Variants in PCBD2 observed in about 807,000 individuals in gnomAD.
PCBD2 encodes pterin-4 alpha-carbinolamine dehydratase 2.
PCBD2 carries 12 observed loss-of-function variants against 16.4 expected under a neutral mutation model. That is an observed-to-expected ratio of 0.73 (90% CI 0.47 to 1.19). The LOEUF (loss-of-function observed/expected upper bound fraction) is 1.19. PCBD2 is among the 50% of genes most tolerant of loss of function. The probability of loss-of-function intolerance (pLI) is 0.00; values close to 1 mark genes in which losing one functional copy is unlikely to be tolerated. For missense variants in PCBD2, 138 were observed against 156.8 expected (o/e 0.88, Z 0.64); for synonymous variants, 58 against 61.8 (o/e 0.94, Z 0.29).
chr5:134,960,128 C>A (rs1348470140), intron 3 of PCBD2, among the ~76,000 whole-genome samples: 2 of 151,996 alleles, frequency 1.3e-5, no homozygotes, highest in African/African-American at 4.8e-5. Context: ...GATCCGGCCT[C>A]CCAAAGTGCT....
intron 1 of PCBD2, chr5:134,908,912 A>G (rs560819237): frequency 6.6e-6 from 1 of 152,316 alleles, no homozygotes; most frequent in South Asian, 2.1e-4. Context: ...CTTAGCCCAC[A>G]GTTGCCCTTT....
intron 2 of PCBD2, among the ~76,000 whole-genome samples, chr5:134,911,862 G>C (rs1750772668): frequency 6.6e-6 from 1 of 152,210 alleles, no homozygotes; most frequent in African/African-American, 2.4e-5. Flanking sequence ...GCACGCTGTG[G>C]CTGGTGGCAG....
Position 134,962,012 on chromosome 5 carries a change from C to G in PCBD2, c.*1331C>G, listed in dbSNP as rs1751483580. ...TTGGGCTCAAGCAAGCCTCCCACCT[C>G]TGCCTCCCAAAGTCCAAGGATTACA... On this transcript the variant is annotated 3_prime_UTR_variant, in exon 4 of 4. Coordinates refer to ENST00000254908, the MANE Select transcript of PCBD2 (RefSeq NM_032151.5). Among the ~76,000 whole-genome samples the G allele has an allele frequency of 6.6e-6, 1 of 151,936 alleles. No homozygotes were observed. Among genetic ancestry groups the G allele is most frequent in the African/African-American group, 2.4e-5 (1 of 41,328 alleles).
At chr5:134,912,571 A>G (rs1289917033) in intron 2 of PCBD2, among the ~76,000 whole-genome samples, 1 of 152,246 alleles carries the variant, frequency 6.6e-6, no homozygotes, top group African/African-American at 2.4e-5. Context: ...TAGGGAGAGT[A>G]GATTAAAGCA....
chr5:134,959,895 T>TG (rs1323439502), intron 3 of PCBD2, among the ~76,000 whole-genome samples: 1 of 141,826 alleles, frequency 7.1e-6, no homozygotes, highest in Admixed American at 7.0e-5. Context: ...TTTTTTTTTT[T>TG]TTTTTTTTTT....
chr5:134,949,289 T>C (rs1042096530), intron 2 of PCBD2, among the ~76,000 whole-genome samples: 1 of 152,154 alleles, frequency 6.6e-6, no homozygotes, highest in Non-Finnish European at 1.5e-5. Context: ...GCCTTCAAAT[T>C]GGTCTTCTGC....
intron 2 of PCBD2, among the ~76,000 whole-genome samples, chr5:134,957,564 G>A (rs1212748738): frequency 6.6e-6 from 1 of 152,188 alleles, no homozygotes; most frequent in African/African-American, 2.4e-5. Flanking sequence ...CTCCTTGGGA[G>A]GCTGAGGCAG....
At chr5:134,945,306 C>T (rs1428132823) in intron 2 of PCBD2, among the ~76,000 whole-genome samples, 1 of 152,106 alleles carries the variant, frequency 6.6e-6, no homozygotes, top group Non-Finnish European at 1.5e-5. Context: ...CTGTGTGCTG[C>T]GTGCCTGTCA....
At chr5:134,933,122 A>C (rs1381849083) in intron 2 of PCBD2, among the ~76,000 whole-genome samples, 1 of 152,164 alleles carries the variant, frequency 6.6e-6, no homozygotes, top group Non-Finnish European at 1.5e-5. Context: ...ATTTGTGTGA[A>C]TGTTTATGTA....
In PCBD2 at chr5:134,910,388, C is replaced by T. The variant is rs1457297735; in HGVS notation, c.138C>T (p.Asp46=). ...AGGAGAGGAACCAAGCTATACTTGA[C>T]CTTAAAGCAGCAGGATGGTCGGAAT... is the stretch of plus-strand genomic sequence containing the variant. ...TAEERNQAIL[D]LKAAGWSELS... is the part of the protein sequence containing the mutation. The change falls in exon 2 of 4, where the codon GAC becomes GAT. Residue 46 remains aspartate (D), a synonymous_variant. Coordinates refer to ENST00000254908, the MANE Select transcript of PCBD2 (RefSeq NM_032151.5). 6.2e-7 allele frequency: 1 copy of T among 1,614,006 alleles called. No homozygotes were observed. Among genetic ancestry groups the T allele is most frequent in the East Asian group, 2.2e-5 (1 of 44,882 alleles).
chr5:134,908,210 CTG>C (rs1561905532), intron 1 of PCBD2, among the ~76,000 whole-genome samples: 1 of 149,312 alleles, frequency 6.7e-6, no homozygotes, highest in Admixed American at 6.7e-5. Flanking sequence ...ATGTGAGCCA[CTG>C]TGCCCAGCCC....
chr5:134,919,187 A>G (rs886240241), intron 2 of PCBD2, among the ~76,000 whole-genome samples: 8 of 152,246 alleles, frequency 5.3e-5, no homozygotes, highest in Non-Finnish European at 1.5e-5. Context: ...AATTTCCTCA[A>G]CAGTCTTTGT....
intron 2 of PCBD2, among the ~76,000 whole-genome samples, chr5:134,939,519 C>CA (rs755858788): frequency 5.9e-5 from 9 of 151,818 alleles, no homozygotes; most frequent in Middle Eastern, 3.4e-3. Flanking sequence ...CCTGTCTGTT[C>CA]AAAAAAACCA....
chr5:134,946,950 T>A (rs547703727), intron 2 of PCBD2, among the ~76,000 whole-genome samples: 1 of 152,180 alleles, frequency 6.6e-6, no homozygotes, highest in Non-Finnish European at 1.5e-5. Context: ...TTTATTACAG[T>A]AATAGGGCAA....
chr5:134,946,839 G>A (rs1212052841), intron 2 of PCBD2, among the ~76,000 whole-genome samples: 1 of 152,076 alleles, frequency 6.6e-6, no homozygotes, highest in African/African-American at 2.4e-5. Context: ...CACCCTTTTG[G>A]TTGTTATTGT....
intron 2 of PCBD2, among the ~76,000 whole-genome samples, chr5:134,912,261 C>T (rs1445867886): frequency 2.0e-5 from 3 of 152,114 alleles, no homozygotes; most frequent in African/African-American, 4.8e-5. Flanking sequence ...AGATTATATC[C>T]GGGGGTCAGT....
intron 1 of PCBD2, 198 bp downstream of exon 1, chr5:134,905,421 T>G (rs973268527): frequency 6.8e-5 from 27 of 397,496 alleles, no homozygotes; most frequent in Non-Finnish European, 9.9e-5. Context: ...GGCCGCAGCC[T>G]CCGCCACTTG....
At chr5:134,948,580 A>C (rs1751325326) in intron 2 of PCBD2, among the ~76,000 whole-genome samples, 2 of 152,198 alleles carry the variant, frequency 1.3e-5, no homozygotes, top group Admixed American at 1.3e-4. Context: ...ATTCTGCAAA[A>C]GAAAGTTGTT....
chr5:134,952,268 G>A (rs554955440), intron 2 of PCBD2, among the ~76,000 whole-genome samples: 9 of 151,364 alleles, frequency 5.9e-5, no homozygotes, highest in East Asian at 1.9e-4. Flanking sequence ...ATATTCTATC[G>A]TATTAAGGAA....
Sources: allele counts gnomAD v4.1 joint callset (sites outside exome capture counted in the v4.1 genomes callset), GRCh38; gene constraint gnomAD v4.1.1; transcripts MANE v1.5; gene names NCBI Gene and HGNC (gene_info 2026-07-23, HGNC 2026-07-21).